RHCE: variants seen among roughly 807,000 people sequenced by gnomAD.
The protein encoded by RHCE is Rh blood group CcEe antigens.
RHCE carries 22 observed loss-of-function variants against 43.8 expected under a neutral mutation model. That is an observed-to-expected ratio of 0.50 (90% CI 0.36 to 0.72). RHCE has a LOEUF of 0.72. RHCE is among the 30% of genes least tolerant of loss of function. The probability of loss-of-function intolerance (pLI) is 0.00; values close to 1 mark genes in which losing one functional copy is unlikely to be tolerated. For synonymous variants in RHCE, 156 were observed against 210.7 expected, an observed-to-expected ratio of 0.74 and a Z score of 2.25; for missense variants, 385 against 525.4, an observed-to-expected ratio of 0.73 and a Z score of 2.61.
chr1:25,369,730 ATTTT>A (rs3080376), intron 9 of RHCE, among the ~76,000 whole-genome samples: 9 of 95,490 alleles, frequency 9.4e-5, no homozygotes, highest in African/African-American at 1.8e-4. Flanking sequence ...CACTGTAAGA[ATTTT>A]TTTTTTTTTT....
intron 1 of RHCE, chr1:25,411,549 C>T (rs1647078883): frequency 1.5e-6 from 2 of 1,319,078 alleles, no homozygotes; most frequent in Admixed American, 5.4e-5. Flanking sequence ...ATAGGAGACC[C>T]CCAAGGACCT....
rs1646273441 is a variant in RHCE at position 25,389,077 on chromosome 1, C to A, written c.838G>T (p.Ala280Ser). The stretch of plus-strand genomic sequence containing the variant: ...ATCAGGTGACACGAGGTACCCACAG[C>A]CACGCCTCCTGCCAACACCGCACTG... The part of the protein sequence containing the change: ...VHSAVLAGGV[A>S]VGTSCHLIPS... The change falls in exon 6 of 10, where the codon GCT becomes TCT. Residue 280 changes from alanine (A) to serine (S), a missense_variant. Coordinates refer to ENST00000294413, the MANE Select transcript of RHCE (RefSeq NM_020485.8). 1 of 1,614,038 alleles carries A rather than the reference C, an allele frequency of 6.2e-7. No individual in the cohort carries two copies. Among genetic ancestry groups the A allele is most frequent in the African/African-American group, 1.3e-5 (1 of 74,924 alleles).
In RHCE at chr1:25,388,970, T is replaced by G; in HGVS notation, c.939+6A>C. 6.2e-7 allele frequency: 1 copy of G among 1,614,198 alleles called. No homozygotes were observed. The highest frequency in any genetic ancestry group is 8.5e-7 in the Non-Finnish European group (1 of 1,180,030). On this transcript the variant is annotated splice_donor_region_variant and intron_variant, in intron 6 of 9. Coordinates refer to ENST00000294413, the MANE Select transcript of RHCE (RefSeq NM_020485.8). ...AGCAGAGAGCATTAGTTGTCTAGTT[T>G]CTTACCGGCAGGCACTTGGCTCCCC...
chr1:25,379,485 ATATATATATATTTTTTT>A (rs1252891953), intron 7 of RHCE, among the ~76,000 whole-genome samples: 70 of 19,418 alleles, frequency 3.6e-3, no homozygotes, highest in Admixed American at 7.8e-3. Flanking sequence ...ATATATATAT[ATATATATATATTTTTTT>A]TTTTTTTTTT....
chr1:25,387,931 G>C (rs957282619), intron 6 of RHCE, among the ~76,000 whole-genome samples: 1 of 151,598 alleles, frequency 6.6e-6, no homozygotes, highest in Non-Finnish European at 1.5e-5. Context: ...AGTGATTCTC[G>C]CATCTCAGCC....
intron 6 of RHCE, among the ~76,000 whole-genome samples, chr1:25,387,150 C>A (rs571141026): frequency 7.2e-5 from 11 of 152,328 alleles, no homozygotes; most frequent in African/African-American, 2.6e-4. Context: ...GGACCCTATG[C>A]CTTCAGAATG....
upstream of RHCE, among the ~76,000 whole-genome samples, chr1:25,425,704 G>A (rs1391728489): frequency 1.3e-5 from 2 of 152,176 alleles, no homozygotes; most frequent in Non-Finnish European, 2.9e-5. Flanking sequence ...GGTGAATCAA[G>A]CCAGGGAGCC....
At chr1:25,400,790 T>C (rs1226744784) in intron 3 of RHCE, among the ~76,000 whole-genome samples, 1 of 151,964 alleles carries the variant, frequency 6.6e-6, no homozygotes, top group African/African-American at 2.4e-5. Context: ...CACCCCAATG[T>C]TCCCCATCTC....
chr1:25,420,796 G>A lies in RHCE; in HGVS notation c.-10C>T, dbSNP rs369957834. 1.4e-5 allele frequency: 23 copies of A among 1,607,492 alleles called. No homozygotes were observed. The highest frequency in any genetic ancestry group is 1.8e-5 in the Non-Finnish European group (21 of 1,177,016). On this transcript the variant is annotated 5_prime_UTR_variant, in exon 1 of 10. In the 5' UTR this introduces an upstream ATG that the reference lacks. Coordinates refer to ENST00000294413, the MANE Select transcript of RHCE (RefSeq NM_020485.8). ...GGTACTTAGAGCTCATCCTGTGTCC[G>A]TCTCTGTGCAGGGGTTCCACCAGCA...
At chr1:25,423,175 A>G (rs1439561275), upstream of RHCE, among the ~76,000 whole-genome samples, 1 of 151,998 alleles carries the variant, frequency 6.6e-6, no homozygotes, top group African/African-American at 2.4e-5. Flanking sequence ...TCCTCTCACA[A>G]TTGCCTCCTG....
intron 1 of RHCE, among the ~76,000 whole-genome samples, chr1:25,413,639 C>T (rs1647171345): frequency 6.6e-6 from 1 of 151,460 alleles, no homozygotes; most frequent in Non-Finnish European, 1.5e-5. Flanking sequence ...GCAATACTCA[C>T]CATTGTTGTA....
intron 8 of RHCE, among the ~76,000 whole-genome samples, chr1:25,372,787 C>T (rs1283102482): frequency 6.6e-6 from 1 of 151,690 alleles, no homozygotes; most frequent in African/African-American, 2.4e-5. Flanking sequence ...AACTTTCTCC[C>T]CCTTCCATTG....
At chr1:25,400,907 G>C (rs1472891030) in intron 3 of RHCE, among the ~76,000 whole-genome samples, 1 of 152,124 alleles carries the variant, frequency 6.6e-6, no homozygotes, top group Non-Finnish European at 1.5e-5. Flanking sequence ...TGTCAATTCT[G>C]CTATTAAAAT....
At chr1:25,379,626 T>G (rs1457769935) in intron 7 of RHCE, among the ~76,000 whole-genome samples, 5 of 150,170 alleles carry the variant, frequency 3.3e-5, no homozygotes, top group African/African-American at 1.2e-4. Context: ...TGTCTCAGCC[T>G]CCTGAGTAGC....
Position 25,370,622 on chromosome 1 carries a change from T to A in RHCE, c.1154-82A>T, listed in dbSNP as rs1054121033. On this transcript the variant is annotated intron_variant, in intron 8 of 9. Transcript: ENST00000294413. ...AAGATTAATCAAAATATTGTGTGTG[T>A]CAAAACGACAGTGTCTCAACAGAAA... 8.1e-6 allele frequency: 10 copies of A among 1,238,478 alleles called. No homozygotes were observed. In the African/African-American group the frequency reaches 9.7e-5, roughly 12 times the overall value. The allele number at this position is 1,238,478 out of a possible 1,614,324, so 76.7% of individuals were successfully genotyped here.
chr1:25,381,457 CTTTT>C (rs757669054), intron 7 of RHCE, among the ~76,000 whole-genome samples: 1 of 134,274 alleles, frequency 7.4e-6, no homozygotes, highest in Non-Finnish European at 1.6e-5. Flanking sequence ...TTTTCTTTTT[CTTTT>C]TTTTTTTTTT....
At chr1:25,397,390 G>C (rs1156986607) in intron 3 of RHCE, among the ~76,000 whole-genome samples, 1 of 151,254 alleles carries the variant, frequency 6.6e-6, no homozygotes. Context: ...TCAGCTACTC[G>C]GGAAGCTGAG....
At chr1:25,427,231 T>A (rs1010947876) in intron 2 of RHCE, among the ~76,000 whole-genome samples, 1 of 152,184 alleles carries the variant, frequency 6.6e-6, no homozygotes, top group African/African-American at 2.4e-5. Context: ...TTTCCTTATA[T>A]GTGAAACAGG....
rs1223893872 is a variant in RHCE, at chr1:25,389,045, A to C, written c.870T>G (p.Ser290=). Residue 290 remains serine (S), a synonymous_variant, in exon 6 of 10, where the codon TCT becomes TCG. Coordinates refer to ENST00000294413, the MANE Select transcript of RHCE (RefSeq NM_020485.8). The part of the protein sequence containing the change: ...AVGTSCHLIP[S]PWLAMVLGLV... Reference sequence around the variant, plus strand: ...GACCCAGCACCATGGCAAGCCACGGAGAAGGGATCAGGTGACACGAGGTAC... The same window carrying C: ...GACCCAGCACCATGGCAAGCCACGGCGAAGGGATCAGGTGACACGAGGTAC... 4 of 1,614,114 alleles carry C rather than the reference A, an allele frequency of 2.5e-6. No individual in the cohort carries two copies. Among genetic ancestry groups the C allele is most frequent in the Non-Finnish European group, 3.4e-6 (4 of 1,180,050 alleles).
Sources: gnomAD v4.1 joint callset for allele counts (sites outside exome capture counted in the v4.1 genomes callset) on GRCh38, gnomAD v4.1.1 for gene constraint, MANE v1.5 for transcripts, NCBI Gene and HGNC (gene_info 2026-07-23, HGNC 2026-07-21) for gene names.